The following ZNF691 variants were observed in gnomAD, a reference collection of about 807,000 sequenced individuals.
ZNF691 encodes the protein zinc finger protein 691.
Under a neutral mutation model 24.1 loss-of-function variants are expected in ZNF691, and 11 were observed. That is an observed-to-expected ratio of 0.46 (90% CI 0.29 to 0.75). The LOEUF (loss-of-function observed/expected upper bound fraction) is 0.75. Among genes scored for constraint, ZNF691 ranks in the 30% least tolerant of loss-of-function variants. The probability of loss-of-function intolerance (pLI) is 0.11; values close to 1 mark genes in which losing one functional copy is unlikely to be tolerated. For missense variants in ZNF691, 356 were observed against 409.0 expected (o/e 0.87, Z 1.12); for synonymous variants, 149 against 153.9 (o/e 0.97, Z 0.23).
chr1:42,846,937 C>T (rs1655254350), intron 1 of ZNF691, among the ~76,000 whole-genome samples: 1 of 152,112 alleles, frequency 6.6e-6, no homozygotes, highest in Non-Finnish European at 1.5e-5. Flanking sequence ...AGGATCAGCC[C>T]CTCCTCCTCT....
intron 1 of ZNF691, among the ~76,000 whole-genome samples, chr1:42,848,368 G>A (rs950524077): frequency 5.3e-5 from 8 of 151,844 alleles, no homozygotes; most frequent in African/African-American, 1.9e-4. Context: ...TGCAGAAGGA[G>A]ATTACTAATA....
Position 42,849,737 on chromosome 1 carries a change from T to C in ZNF691, c.79T>C (p.Ser27Pro). The C allele has an allele frequency of 1.3e-6, 2 of 1,551,006 alleles. No individual in the cohort carries two copies. The highest frequency in any genetic ancestry group is 2.0e-5 in the Admixed American group (1 of 50,990). Residue 27 changes from serine (S) to proline (P), a missense_variant, in exon 3 of 4, where the codon TCA becomes CCA. Physicochemically the swap from Ser to Pro is moderately conservative, Grantham distance 74. Coordinates refer to ENST00000651192, the MANE Select transcript of ZNF691 (RefSeq NM_001242739.2). ...CCCGGAGGAAATGCTACCACTCTCA[T>C]CAGAGGTACTTTTCCCCCCAACTCT... is the stretch of plus-strand genomic sequence containing the variant. ...QGPEEMLPLSSEGSEMGSEKE... is the reference protein window; with the variant it reads ...QGPEEMLPLSPEGSEMGSEKE...
intron 3 of ZNF691, chr1:42,850,419 T>C (rs1655350870): frequency 5.1e-6 from 5 of 985,166 alleles, no homozygotes; most frequent in Non-Finnish European, 6.0e-6. Context: ...GTGGCAGAAA[T>C]CTCAAGAAAA....
At chr1:42,849,515 C>A in intron 2 of ZNF691, 50 bp from the exon 3 acceptor site, 1 of 731,142 alleles carries the variant, frequency 1.4e-6, no homozygotes, top group Non-Finnish European at 2.5e-6. Flanking sequence ...GTAATCCAAC[C>A]CTAAATGTAG....
In ZNF691 at chr1:42,851,769, C is replaced by A; in HGVS notation, c.904C>A (p.Gln302Lys). The A allele has an allele frequency of 6.2e-7, 1 of 1,614,214 alleles. No homozygotes were observed. Among genetic ancestry groups the A allele is most frequent in the Non-Finnish European group, 8.5e-7 (1 of 1,180,012 alleles). ...FSRSSNLIRHQKTHLGEQAGK... is the reference protein window; with the variant it reads ...FSRSSNLIRHKKTHLGEQAGK... The stretch of plus-strand genomic sequence containing the variant: ...CCGGAGCTCGAATCTCATCCGCCAC[C>A]AGAAAACTCACTTGGGCGAACAGGC... The change falls in exon 4 of 4, where the codon CAG becomes AAG. Residue 302 changes from glutamine (Q) to lysine (K), a missense_variant. Physicochemically the swap from Gln to Lys is moderately conservative, Grantham distance 53. Coordinates refer to ENST00000651192, the MANE Select transcript of ZNF691 (RefSeq NM_001242739.2). This position sits in a 1 kb window ranked among gnomAD's most constrained non-coding sequence, Gnocchi z 4.7.
rs775130081 is a variant in ZNF691 at position 42,850,963 on chromosome 1, G to T, written c.98G>T (p.Gly33Val). 3.9e-6 allele frequency: 6 copies of T among 1,534,796 alleles called. No individual in the cohort carries two copies. Among genetic ancestry groups the T allele is most frequent in the Non-Finnish European group, 5.2e-6 (6 of 1,145,562 alleles). The change falls in exon 4 of 4, where the codon GGC (glycine) becomes GTC (valine). Residue 33 changes from glycine (G) to valine (V), a missense_variant. Physicochemically the swap from Gly to Val is moderately radical, Grantham distance 109. Coordinates refer to ENST00000651192, the MANE Select transcript of ZNF691 (RefSeq NM_001242739.2). ...GTTCATTCTCAGGGTTCAGAGATGG[G>T]CAGTGAGAAGGAGCAGAGTCCAGAA... is the stretch of plus-strand genomic sequence containing the variant. ...LPLSSEGSEM[G>V]SEKEQSPEPH...
intron 3 of ZNF691, 22 bp from the exon 4 acceptor site, chr1:42,850,928 G>A (rs1557621490): frequency 2.6e-6 from 4 of 1,534,818 alleles, no homozygotes; most frequent in Non-Finnish European, 3.5e-6. Flanking sequence ...TAAAGGTGTT[G>A]GCCATTTGTG....
In ZNF691 at chr1:42,851,710, C is replaced by G. The variant is rs1416790025; in HGVS notation, c.845C>G (p.Pro282Arg). ...AHQRTHRGEK[P>R]YRCTVCGKHF... ...CAGCGGACCCACAGAGGGGAGAAGCCCTACCGGTGCACTGTGTGTGGGAAA... is the reference window on the plus strand; with the variant it reads ...CAGCGGACCCACAGAGGGGAGAAGCGCTACCGGTGCACTGTGTGTGGGAAA... The change falls in exon 4 of 4, where the codon CCC becomes CGC. Residue 282 changes from proline to arginine, a missense_variant. Physicochemically the swap from Pro to Arg is moderately radical, Grantham distance 103. Transcript: ENST00000651192. This position sits in a 1 kb window ranked among gnomAD's most constrained non-coding sequence, Gnocchi z 4.7. The G allele has an allele frequency of 6.2e-7, 1 of 1,614,256 alleles. No homozygotes were observed. The highest frequency in any genetic ancestry group is 2.2e-5 in the East Asian group (1 of 44,892).
Position 42,851,804 on chromosome 1 carries a change from T to C in ZNF691, c.939T>C (p.Asp313=), listed in dbSNP as rs1204377413. The C allele has an allele frequency of 1.2e-6, 2 of 1,613,876 alleles. No homozygotes were observed. Among genetic ancestry groups the C allele is most frequent in the Non-Finnish European group, 8.5e-7 (1 of 1,179,900 alleles). ...ACTTGGGCGAACAGGCTGGGAAAGA[T>C]TCCAGCTGAAGGAGAGCCCCATTTA... ...KTHLGEQAGK[D]SS is the part of the protein sequence containing the mutation. Residue 313 remains aspartate, a synonymous_variant, in exon 4 of 4, where the codon GAT becomes GAC. Transcript: ENST00000651192. This position sits in a 1 kb window ranked among gnomAD's most constrained non-coding sequence, Gnocchi z 4.7.
Position 42,849,408 on chromosome 1 carries a change from G to A in ZNF691, c.-100G>A, listed in dbSNP as rs1655318650. On this transcript the variant is annotated 5_prime_UTR_variant, in exon 2 of 4. The change creates a new upstream start codon in the 5' untranslated region. Transcript: ENST00000651192. ...TTTTTTTCTAATACAAAGTCTTGTA[G>A]TGTGGGTAGGTATCACAATTTTAGT... 4 of 626,302 alleles carry A rather than the reference G, an allele frequency of 6.4e-6. No homozygotes were observed. Among genetic ancestry groups the A allele is most frequent in the South Asian group, 6.1e-5 (4 of 66,032 alleles). The allele number at this position is 626,302 out of a possible 1,614,324, so 38.8% of individuals were successfully genotyped here. A position where few individuals can be genotyped will look rare whatever the true frequency, so the allele number is the denominator to read the frequency against.
Position 42,851,887 on chromosome 1 carries a change from T to C in ZNF691, c.*74T>C. The C allele has an allele frequency of 6.3e-7, 1 of 1,588,854 alleles. No individual in the cohort carries two copies. Among genetic ancestry groups the C allele is most frequent in the Non-Finnish European group, 8.6e-7 (1 of 1,167,402 alleles). ...TATTGGAGGAAGATCTTCAGCATCT[T>C]TTGCTGCTACCTTGACCTCAAGCCC... On this transcript the variant is annotated 3_prime_UTR_variant, in exon 4 of 4. Transcript: ENST00000651192. This position sits in a 1 kb window ranked among gnomAD's most constrained non-coding sequence, Gnocchi z 4.7.
chr1:42,849,679 C>A lies in ZNF691; in HGVS notation c.21C>A (p.Thr7=), dbSNP rs941302799. 6.4e-7 allele frequency: 1 copy of A among 1,551,164 alleles called. No individual in the cohort carries two copies. The highest frequency in any genetic ancestry group is 8.7e-7 in the Non-Finnish European group (1 of 1,147,084). Residue 7 remains threonine, a synonymous_variant, in exon 3 of 4, where the codon ACC becomes ACA. Coordinates refer to ENST00000651192, the MANE Select transcript of ZNF691 (RefSeq NM_001242739.2). MSLCSP[T]HSAEMSLFLQ... is the part of the protein sequence containing the mutation. Reference sequence around the variant, plus strand: ...TGTTCATGTCACTCTGTTCACCAACCCACTCTGCTGAAATGTCGTTATTTC... The same window carrying A: ...TGTTCATGTCACTCTGTTCACCAACACACTCTGCTGAAATGTCGTTATTTC...
Position 42,851,740 on chromosome 1 carries a change from T to G in ZNF691, c.875T>G (p.Phe292Cys). Residue 292 changes from phenylalanine (F) to cysteine (C), a missense_variant, in exon 4 of 4, where the codon TTC becomes TGC. Phe to Cys is a radical substitution (Grantham distance 205, BLOSUM62 -2). Transcript: ENST00000651192. This position sits in a 1 kb window ranked among gnomAD's most constrained non-coding sequence, Gnocchi z 4.7. ...CGGTGCACTGTGTGTGGGAAACACT[T>G]CTCCCGGAGCTCGAATCTCATCCGC... The part of the protein sequence containing the change: ...PYRCTVCGKH[F>C]SRSSNLIRHQ... 1 of 1,614,174 alleles carries G rather than the reference T, an allele frequency of 6.2e-7. No individual in the cohort carries two copies.
chr1:42,850,534 TCAAAAAGGA>T, intron 3 of ZNF691: 2 of 1,455,182 alleles, frequency 1.4e-6, no homozygotes, highest in Admixed American at 2.8e-5. Context: ...GGAAGGTTTT[TCAAAAAGGA>T]TTAAACATAA....
chr1:42,847,327 T>G (rs1023934956), intron 1 of ZNF691, among the ~76,000 whole-genome samples: 1 of 152,114 alleles, frequency 6.6e-6, no homozygotes, highest in African/African-American at 2.4e-5. Flanking sequence ...GCGCTTCACC[T>G]TCATCATCTG....
Position 42,852,183 on chromosome 1 carries a change from A to AT in ZNF691, c.*372dup. 1 of 386,096 alleles carries AT rather than the reference A, an allele frequency of 2.6e-6. No homozygotes were observed. The highest frequency in any genetic ancestry group is 5.2e-6 in the Non-Finnish European group (1 of 192,336). The allele number at this position is 386,096 out of a possible 1,614,324, so 23.9% of individuals were successfully genotyped here. On this transcript the variant is annotated 3_prime_UTR_variant, in exon 4 of 4. Transcript: ENST00000651192. ...GTGTCACTGTCTGAAGGTTCTCCAA[A>AT]TTGTCTGTGAACTGCTTAGGTAGGA... is the stretch of plus-strand genomic sequence containing the variant.
rs935080597 is a variant in ZNF691 at position 42,849,733 on chromosome 1, C to A, written c.75C>A (p.Leu25=). The change falls in exon 3 of 4, where the codon CTC becomes CTA. Residue 25 remains leucine (L), a synonymous_variant. Coordinates refer to ENST00000651192, the MANE Select transcript of ZNF691 (RefSeq NM_001242739.2). ...AAGGCCCGGAGGAAATGCTACCACT[C>A]TCATCAGAGGTACTTTTCCCCCCAA... ...FLQGPEEMLP[L]SSEGSEMGSE... 5 of 1,550,970 alleles carry A rather than the reference C, an allele frequency of 3.2e-6. No homozygotes were observed. The African/African-American group carries it at 5.5e-5, about 17-fold the overall frequency.
At position 42,851,100 on chromosome 1, in the gene ZNF691, G is replaced by A; in HGVS notation, c.235G>A (p.Glu79Lys). 6.2e-7 allele frequency: 1 copy of A among 1,612,826 alleles called. No homozygotes were observed. The highest frequency in any genetic ancestry group is 8.5e-7 in the Non-Finnish European group (1 of 1,179,280). Reference protein sequence around the residue: ...KEHGQESLSDELQETHPKKPW... With the variant: ...KEHGQESLSDKLQETHPKKPW... Reference sequence around the variant, plus strand: ...GCATGGGCAAGAGAGCCTGTCGGATGAACTGCAAGAAACTCATCCAAAAAA... The same window carrying A: ...GCATGGGCAAGAGAGCCTGTCGGATAAACTGCAAGAAACTCATCCAAAAAA... The change falls in exon 4 of 4, where the codon GAA (glutamate) becomes AAA (lysine). Residue 79 changes from glutamate (E) to lysine (K), a missense_variant. Coordinates refer to ENST00000651192, the MANE Select transcript of ZNF691 (RefSeq NM_001242739.2). This position sits in a 1 kb window ranked among gnomAD's most constrained non-coding sequence, Gnocchi z 4.7.
chr1:42,851,090 C>A lies in ZNF691; in HGVS notation c.225C>A (p.Ser75Arg). The A allele has an allele frequency of 6.2e-7, 1 of 1,611,106 alleles. No individual in the cohort carries two copies. Among genetic ancestry groups the A allele is most frequent in the Non-Finnish European group, 8.5e-7 (1 of 1,178,306 alleles). ...GGGAGAAGGAGCATGGGCAAGAGAG[C>A]CTGTCGGATGAACTGCAAGAAACTC... ...PPGEKEHGQE[S>R]LSDELQETHP... Residue 75 changes from serine to arginine, a missense_variant, in exon 4 of 4, where the codon AGC becomes AGA. By Grantham distance (110) the Ser-to-Arg change is moderately radical (BLOSUM62 -1). Coordinates refer to ENST00000651192, the MANE Select transcript of ZNF691 (RefSeq NM_001242739.2). This position sits in a 1 kb window ranked among gnomAD's most constrained non-coding sequence, Gnocchi z 4.7.
Sources: gnomAD v4.1 joint callset for allele counts (sites outside exome capture counted in the v4.1 genomes callset) on GRCh38, gnomAD v4.1.1 for gene constraint, Gnocchi (gnomAD v3.1) non-coding constraint, MANE v1.5 for transcripts, NCBI Gene and HGNC (gene_info 2026-07-23, HGNC 2026-07-21) for gene names.